LMX1B: variants seen among roughly 807,000 people sequenced by gnomAD.
The protein encoded by LMX1B is LIM homeobox transcription factor 1-beta.
Under a neutral mutation model 51.4 loss-of-function variants are expected in LMX1B, and 12 were observed. The observed-to-expected ratio is 0.23, with a 90% confidence interval of 0.15 to 0.38. The LOEUF is 0.38. LMX1B is among the 10% of genes least tolerant of loss of function. LMX1B has a pLI of 1.00. For missense variants in LMX1B, 445 were observed against 571.1 expected (o/e 0.78, Z 2.25); for synonymous variants, 237 against 235.4 (o/e 1.01, Z -0.06).
At chr9:126,666,621 A>G (rs1836346421) in intron 2 of LMX1B, among the ~76,000 whole-genome samples, 1 of 152,238 alleles carries the variant, frequency 6.6e-6, no homozygotes, top group Non-Finnish European at 1.5e-5. Flanking sequence ...TGCTTTACGT[A>G]CGTGCTTTAC....
At chr9:126,660,066 G>GGCATCTACACTGGCCTTAGAGAT in intron 2 of LMX1B, among the ~76,000 whole-genome samples, 1 of 150,256 alleles carries the variant, frequency 6.7e-6, no homozygotes, top group East Asian at 2.0e-4. Flanking sequence ...CTGCGTGGGG[G>GGCATCTACACTGGCCTTAGAGAT]TGTCTACACT....
At chr9:126,617,102 G>A (rs758819289) in intron 2 of LMX1B, among the ~76,000 whole-genome samples, 2 of 152,222 alleles carry the variant, frequency 1.3e-5, no homozygotes, top group Non-Finnish European at 2.9e-5. Context: ...ACGCCAGTCC[G>A]TTCAGTCACA....
At chr9:126,622,511 G>A (rs534278243) in intron 2 of LMX1B, among the ~76,000 whole-genome samples, 96 of 152,296 alleles carry the variant, frequency 6.3e-4, no homozygotes, top group East Asian at 1.9e-3. Flanking sequence ...TCCCCCAAGC[G>A]CCTCCCCAGG....
chr9:126,654,748 C>T (rs771405895), intron 2 of LMX1B, among the ~76,000 whole-genome samples: 1 of 152,210 alleles, frequency 6.6e-6, no homozygotes, highest in Non-Finnish European at 1.5e-5. Context: ...CTGAGCATGC[C>T]ACGGAGAGCC....
Position 126,693,765 on chromosome 9 carries a change from G to T in LMX1B, c.839G>T (p.Arg280Leu). 1 of 1,525,212 alleles carries T rather than the reference G, an allele frequency of 6.6e-7. No homozygotes were observed. Among genetic ancestry groups the T allele is most frequent in the Non-Finnish European group, 8.9e-7 (1 of 1,127,532 alleles). 94.5% of individuals were successfully genotyped at this position (1,525,212 alleles called of 1,614,324 possible). A position where few individuals can be genotyped will look rare whatever the true frequency, so the allele number is the denominator to read the frequency against. ...QRAKMKKLAR[R>L]HQQQQEQQNS... Reference sequence around the variant, plus strand: ...CTGCAGATGAAGAAGCTGGCGCGGCGGCACCAGCAGCAGCAGGAGCAGCAG... The same window carrying T: ...CTGCAGATGAAGAAGCTGGCGCGGCTGCACCAGCAGCAGCAGGAGCAGCAG... The change falls in exon 6 of 8, where the codon CGG (arginine) becomes CTG (leucine). Residue 280 changes from arginine (R) to leucine (L), a missense_variant. Physicochemically the swap from Arg to Leu is moderately radical, Grantham distance 102. This residue lies in a region of LMX1B where 162 missense variants were observed against 187.8 expected (regional missense o/e 0.86). Transcript: ENST00000373474.
At chr9:126,657,104 C>T (rs1564157269) in intron 2 of LMX1B, among the ~76,000 whole-genome samples, 1 of 152,196 alleles carries the variant, frequency 6.6e-6, no homozygotes, top group Non-Finnish European at 1.5e-5. Flanking sequence ...AGCACTTGTG[C>T]AATTTTTTCA....
chr9:126,673,254 A>C lies in LMX1B; in HGVS notation c.327-17582A>C, dbSNP rs1836492449. Among the ~76,000 whole-genome samples, 2 of 152,082 alleles carry C rather than the reference A, an allele frequency of 1.3e-5. 1 individual carries two copies. Among genetic ancestry groups the C allele is most frequent in the Non-Finnish European group, 2.9e-5 (2 of 67,988 alleles). On this transcript the variant is annotated intron_variant, in intron 2 of 7. Transcript: ENST00000373474. The surrounding 1 kb of genome is among the most constrained non-coding windows in gnomAD (Gnocchi z 4.4). ...CAGACACCACAGGGAGCCCCTACCT[A>C]GGGAAAGGGCATTGAGGGGACCTGT...
At chr9:126,657,963 G>A (rs1836151942) in intron 2 of LMX1B, among the ~76,000 whole-genome samples, 1 of 152,188 alleles carries the variant, frequency 6.6e-6, no homozygotes, top group South Asian at 2.1e-4. Context: ...GCACAGTCCA[G>A]GGTGGGCTAG....
chr9:126,685,932 A>C (rs1836759199), intron 2 of LMX1B, among the ~76,000 whole-genome samples: 1 of 152,138 alleles, frequency 6.6e-6, no homozygotes, highest in Non-Finnish European at 1.5e-5. Flanking sequence ...AGCCCGGTGC[A>C]TGCAGTCTGG....
At chr9:126,652,068 C>G (rs190051389) in intron 2 of LMX1B, among the ~76,000 whole-genome samples, 7 of 151,408 alleles carry the variant, frequency 4.6e-5, no homozygotes, top group Admixed American at 1.3e-4. Flanking sequence ...ACCCTTGAGG[C>G]AGGGTCCTCA....
chr9:126,628,396 G>T (rs1835571577), intron 2 of LMX1B, among the ~76,000 whole-genome samples: 1 of 152,210 alleles, frequency 6.6e-6, no homozygotes, highest in South Asian at 2.1e-4. Context: ...ATATTTATTA[G>T]CCAATCCTGG....
chr9:126,668,868 TAGAC>T (rs1227352326), intron 2 of LMX1B, among the ~76,000 whole-genome samples: 1 of 152,234 alleles, frequency 6.6e-6, no homozygotes. Flanking sequence ...CAGGGGATGA[TAGAC>T]AGGCAGGGAG....
rs2417029 is a variant in LMX1B at position 126,678,325 on chromosome 9, A to C, written c.327-12511A>C. Among the ~76,000 whole-genome samples, 882 of 111,014 alleles carry C rather than the reference A, an allele frequency of 7.9e-3. 18 individuals are homozygous for C. Among genetic ancestry groups the C allele is most frequent in the African/African-American group, 0.041 (830 of 20,396 alleles). 72.8% of individuals were successfully genotyped at this position (111,014 alleles called of 152,430 possible). ...ACTTCGTCTCAAAAAAAAAAAACAA[A>C]AAACAAAAAAAAAAAACAAAAAGAC... On this transcript the variant is annotated intron_variant, in intron 2 of 7. Transcript: ENST00000373474.
intron 2 of LMX1B, among the ~76,000 whole-genome samples, chr9:126,628,201 G>A (rs1422976029): frequency 1.3e-5 from 2 of 152,188 alleles, no homozygotes; most frequent in African/African-American, 2.4e-5. Context: ...TCATGGGGAG[G>A]CCAGAGGCCT....
intron 2 of LMX1B, among the ~76,000 whole-genome samples, chr9:126,633,127 C>T (rs1835660382): frequency 6.6e-6 from 1 of 152,188 alleles, no homozygotes; most frequent in African/African-American, 2.4e-5. Context: ...GCACAAGAGT[C>T]ACCGGTTTCA....
In LMX1B at chr9:126,681,387, G is replaced by C. The variant is rs188213433; in HGVS notation, c.327-9449G>C. ...CCCACAGACGCCATGTCCTCTAGTG[G>C]CAACTCCATCATTCCGGATGCTCAG... On this transcript the variant is annotated intron_variant, in intron 2 of 7. Coordinates refer to ENST00000373474, the MANE Select transcript of LMX1B (RefSeq NM_001174147.2). Among the ~76,000 whole-genome samples, 165 of 152,112 alleles carry C rather than the reference G, an allele frequency of 1.1e-3. 1 individual carries two copies. The highest frequency in any genetic ancestry group is 2.0e-3 in the Non-Finnish European group (139 of 68,026).
rs1390790956 is a variant in LMX1B at position 126,695,313 on chromosome 9, C to T, written c.887-526C>T. 6.6e-6 allele frequency among the ~76,000 whole-genome samples: 1 copy of T among 152,218 alleles called. No homozygotes were observed. Among genetic ancestry groups the T allele is most frequent in the Non-Finnish European group, 1.5e-5 (1 of 68,040 alleles). On this transcript the variant is annotated intron_variant, in intron 6 of 7. Transcript: ENST00000373474. This position sits in a 1 kb window ranked among gnomAD's most constrained non-coding sequence, Gnocchi z 5.2. ...TGTGGTCCCTCTCAGCTGGTCTCCC[C>T]CACACCGACCTCTCTCCCTGCCTCT...
In LMX1B at chr9:126,697,321, C is replaced by T. The variant is rs1218749694; in HGVS notation, c.*870C>T. 1 of 152,472 alleles carries T rather than the reference C, an allele frequency of 6.6e-6. No homozygotes were observed. The highest frequency in any genetic ancestry group is 1.5e-5 in the Non-Finnish European group (1 of 68,320). The allele number at this position is 152,472 out of a possible 1,614,324, so 9.4% of individuals were successfully genotyped here. A position where few individuals can be genotyped will look rare whatever the true frequency, so the allele number is the denominator to read the frequency against. ...GGAGGGCAGCCCCAGGCCCCACCAA[C>T]TCTAGAGGCAGATGGAGCCCCCAGA... On this transcript the variant is annotated 3_prime_UTR_variant, in exon 8 of 8. Coordinates refer to ENST00000373474, the MANE Select transcript of LMX1B (RefSeq NM_001174147.2).
At chr9:126,635,777 A>G (rs1264872106) in intron 2 of LMX1B, among the ~76,000 whole-genome samples, 1 of 152,118 alleles carries the variant, frequency 6.6e-6, no homozygotes, top group Non-Finnish European at 1.5e-5. Flanking sequence ...AGTTGTTTGG[A>G]TTAGGGCCTG....
Sources: allele counts gnomAD v4.1 joint callset (sites outside exome capture counted in the v4.1 genomes callset), GRCh38; gene constraint gnomAD v4.1.1; regional missense constraint gnomAD v4.1.1; non-coding constraint Gnocchi (gnomAD v3.1); transcripts MANE v1.5; gene names NCBI Gene and HGNC (gene_info 2026-07-23, HGNC 2026-07-21).